Variants in NOSTRIN observed in about 807,000 individuals in gnomAD.
NOSTRIN encodes nitric oxide synthase trafficking.
In NOSTRIN, 63 loss-of-function variants were observed where a neutral mutation model predicts 59.0. That is an observed-to-expected ratio of 1.07 (90% CI 0.87 to 1.32). The LOEUF (loss-of-function observed/expected upper bound fraction) is 1.32, where lower values mean the gene tolerates loss of function less well. Among genes scored for constraint, NOSTRIN ranks in the 40% most tolerant of loss-of-function variants. The probability of loss-of-function intolerance (pLI) is 0.00; values close to 1 mark genes in which losing one functional copy is unlikely to be tolerated. For synonymous variants in NOSTRIN, 200 were observed against 165.4 expected, an observed-to-expected ratio of 1.21 and a Z score of -1.61; for missense variants, 512 against 473.1, an observed-to-expected ratio of 1.08 and a Z score of -0.76.
intron 1 of NOSTRIN, among the ~76,000 whole-genome samples, chr2:168,807,065 T>C (rs1685888391): frequency 6.6e-6 from 1 of 152,224 alleles, no homozygotes. Context: ...AGGTTATCCT[T>C]ATCTCTTTGG....
intron 2 of NOSTRIN, among the ~76,000 whole-genome samples, chr2:168,792,521 C>A (rs1426320549): frequency 6.6e-6 from 1 of 152,168 alleles, no homozygotes; most frequent in Non-Finnish European, 1.5e-5. Flanking sequence ...GCGATCTTGA[C>A]TCACTGCAAC....
chr2:168,811,732 C>A, intron 2 of NOSTRIN, 80 bp downstream of exon 2: 1 of 612,086 alleles, frequency 1.6e-6, no homozygotes, highest in South Asian at 2.3e-5. Flanking sequence ...TGATTACAAG[C>A]TGTCCTACTT....
rs980205438 is a variant in NOSTRIN, at chr2:168,855,351, GGAA to G, written c.861_863del (p.Glu287del). On this transcript the variant is annotated inframe_deletion and splice_region_variant, in exon 11 of 16. Transcript: ENST00000317647. ...TTAGACATCCTTCTTTTTTCCTAAA[GGAA>G]GAAGATCCTAACAGTGCAATGGATA... The G allele has an allele frequency of 2.6e-6, 4 of 1,526,772 alleles. No homozygotes were observed. In the African/African-American group the frequency reaches 5.6e-5, roughly 21 times the overall value. 94.6% of individuals were successfully genotyped at this position (1,526,772 alleles called of 1,614,324 possible). A position where few individuals can be genotyped will look rare whatever the true frequency, so the allele number is the denominator to read the frequency against.
chr2:168,843,111 CTACCAGGTAAGT>C lies in NOSTRIN; in HGVS notation c.627_630+8del, dbSNP rs1448204917. On this transcript the variant is annotated splice_donor_variant and splice_donor_5th_base_variant and coding_sequence_variant and intron_variant, in exon 8 of 16. Transcript: ENST00000317647. LOFTEE classifies it high-confidence loss of function. The stretch of plus-strand genomic sequence containing the variant: ...AATGGGAAAACACACTAGAGAACTG[CTACCAGGTAAGT>C]TATATATTCACATTTTTTTCTTCTT... 8 of 869,084 alleles carry C rather than the reference CTACCAGGTAAGT, an allele frequency of 9.2e-6. No homozygotes were observed. Among genetic ancestry groups the C allele is most frequent in the African/African-American group, 1.6e-5 (1 of 61,032 alleles). The allele number at this position is 869,084 out of a possible 1,614,324, so 53.8% of individuals were successfully genotyped here.
chr2:168,831,944 T>A (rs1687385790), intron 6 of NOSTRIN, among the ~76,000 whole-genome samples: 1 of 152,162 alleles, frequency 6.6e-6, no homozygotes. Context: ...TCTTAATCAT[T>A]CCATTATACT....
Position 168,859,339 on chromosome 2 carries a change from T to G in NOSTRIN, c.1054-173T>G, listed in dbSNP as rs1241872963. ...AACTAAAACCTCCCTCTAAACTGCTTAAAGAGTTTATTCCTCCATTTTTTT... is the reference window on the plus strand; with the variant it reads ...AACTAAAACCTCCCTCTAAACTGCTGAAAGAGTTTATTCCTCCATTTTTTT... On this transcript the variant is annotated intron_variant, in intron 12 of 15. Transcript: ENST00000317647. The G allele has an allele frequency of 6.2e-6, 6 of 964,798 alleles. No individual in the cohort carries two copies. In the African/African-American group the frequency reaches 1.0e-4, roughly 16 times the overall value. The allele number at this position is 964,798 out of a possible 1,614,324, so 59.8% of individuals were successfully genotyped here. A position where few individuals can be genotyped will look rare whatever the true frequency, so the allele number is the denominator to read the frequency against.
chr2:168,825,934 A>G (rs1431531534), intron 3 of NOSTRIN, among the ~76,000 whole-genome samples: 2 of 152,188 alleles, frequency 1.3e-5, no homozygotes, highest in Non-Finnish European at 2.9e-5. Context: ...TATTTTTAGG[A>G]CAGTATTTTA....
upstream of NOSTRIN, chr2:168,802,319 C>T (rs532303898): frequency 7.8e-5 from 23 of 295,072 alleles, no homozygotes; most frequent in Non-Finnish European, 1.3e-4. Context: ...TCAGACCAAG[C>T]GCAAGAATTG....
chr2:168,860,593 C>A (rs571461565), intron 13 of NOSTRIN, among the ~76,000 whole-genome samples: 1 of 152,006 alleles, frequency 6.6e-6, no homozygotes, highest in South Asian at 2.1e-4. Context: ...ATCACTTGAA[C>A]CCGGGAGGTG....
At chr2:168,796,875 G>A (rs907770711), upstream of NOSTRIN, among the ~76,000 whole-genome samples, 5 of 151,962 alleles carry the variant, frequency 3.3e-5, no homozygotes, top group South Asian at 4.1e-4. Context: ...GGGCCTACCC[G>A]TAAACAATAT....
At chr2:168,836,700 G>C (rs1687742344) in intron 7 of NOSTRIN, among the ~76,000 whole-genome samples, 1 of 152,094 alleles carries the variant, frequency 6.6e-6, no homozygotes, top group South Asian at 2.1e-4. Flanking sequence ...AGAGTAAATA[G>C]AAGTCAGCAC....
rs1464460969 is a variant in NOSTRIN at position 168,861,282 on chromosome 2, A to G, written c.1294+373A>G. On this transcript the variant is annotated intron_variant, in intron 14 of 15. Transcript: ENST00000317647. ...GAAGCCTGTCCTCTCTGCGAGACACATGGTGATCCAGGTGGTTTGCCAGGG... is the reference window on the plus strand; with the variant it reads ...GAAGCCTGTCCTCTCTGCGAGACACGTGGTGATCCAGGTGGTTTGCCAGGG... 3.3e-5 allele frequency among the ~76,000 whole-genome samples: 5 copies of G among 152,146 alleles called. No homozygotes were observed. The South Asian group carries it at 6.2e-4, about 19-fold the overall frequency.
chr2:168,824,985 C>G lies in NOSTRIN; in HGVS notation c.197+268C>G, dbSNP rs548361894. On this transcript the variant is annotated intron_variant, in intron 3 of 15. Transcript: ENST00000317647. ...TGTTGCCCAGGCTGGTCTTGAACTC[C>G]TGGGCTCAAGTAATCCTCCTGCCTT... 5.3e-5 allele frequency among the ~76,000 whole-genome samples: 8 copies of G among 152,192 alleles called. No homozygotes were observed. The South Asian group carries it at 1.5e-3, about 28-fold the overall frequency.
chr2:168,808,494 G>A (rs1013054258), intron 1 of NOSTRIN, among the ~76,000 whole-genome samples: 9 of 152,142 alleles, frequency 5.9e-5, no homozygotes, highest in Admixed American at 2.6e-4. Flanking sequence ...AATTTACTCC[G>A]TAAACATGCA....
At chr2:168,826,184 C>T (rs1687052710) in intron 3 of NOSTRIN, among the ~76,000 whole-genome samples, 1 of 151,196 alleles carries the variant, frequency 6.6e-6, no homozygotes, top group Admixed American at 6.6e-5. Flanking sequence ...TGTGAATGTC[C>T]ATTACGTTTT....
chr2:168,822,148 G>A (rs983342359), intron 2 of NOSTRIN, among the ~76,000 whole-genome samples: 1 of 152,160 alleles, frequency 6.6e-6, no homozygotes, highest in African/African-American at 2.4e-5. Context: ...TCCTAGAGCA[G>A]AGAAATCTAT....
chr2:168,851,425 A>C lies in NOSTRIN; in HGVS notation c.855+21A>C, dbSNP rs751239579. ...ACTTTGTGAGTATGAAATGGAAAAA[A>C]AAAGTTACATTAATGGAGAATCTTA... On this transcript the variant is annotated intron_variant, in intron 10 of 15. Coordinates refer to ENST00000317647, the MANE Select transcript of NOSTRIN (RefSeq NM_001039724.4). 1.8e-5 allele frequency: 29 copies of C among 1,587,880 alleles called. 1 individual carries two copies. Among genetic ancestry groups the C allele is most frequent in the Admixed American group, 1.5e-4 (8 of 52,734 alleles).
chr2:168,798,860 A>G (rs1199051371), upstream of NOSTRIN, among the ~76,000 whole-genome samples: 1 of 152,142 alleles, frequency 6.6e-6, no homozygotes, highest in Non-Finnish European at 1.5e-5. Context: ...ATAGTTCTTG[A>G]GAGAAGAAAA....
intron 1 of NOSTRIN, among the ~76,000 whole-genome samples, chr2:168,803,162 G>A (rs1685679096): frequency 1.3e-5 from 2 of 152,196 alleles, no homozygotes; most frequent in African/African-American, 4.8e-5. Context: ...TGCCTGGCCT[G>A]CAGTGGCTCT....
Sources: gnomAD v4.1 joint callset for allele counts (sites outside exome capture counted in the v4.1 genomes callset) on GRCh38, gnomAD v4.1.1 for gene constraint, MANE v1.5 for transcripts, NCBI Gene and HGNC (gene_info 2026-07-23, HGNC 2026-07-21) for gene names.